The following LHFPL3 variants were observed in gnomAD, a reference collection of about 807,000 sequenced individuals.
The protein encoded by LHFPL3 is LHFPL tetraspan subfamily member 3 protein.
In LHFPL3, 5 loss-of-function variants were observed where a neutral mutation model predicts 19.3. The observed-to-expected ratio is 0.26, with a 90% CI of 0.14 to 0.54. LHFPL3 has a LOEUF of 0.54. LHFPL3 is among the 20% of genes least tolerant of loss of function. The pLI is 0.94. For missense variants in LHFPL3, 249 were observed against 307.4 expected (o/e 0.81, Z 1.42); for synonymous variants, 133 against 126.2 (o/e 1.05, Z -0.36).
chr7:104,602,630 A>G (rs1014794015), intron 1 of LHFPL3, among the ~76,000 whole-genome samples: 25 of 152,370 alleles, frequency 1.6e-4, no homozygotes, highest in African/African-American at 6.0e-4. Context: ...TAGCATCTTC[A>G]GCATTATGTC....
At chr7:104,332,775 C>T (rs1382808181) in intron 1 of LHFPL3, among the ~76,000 whole-genome samples, 1 of 151,998 alleles carries the variant, frequency 6.6e-6, no homozygotes, top group Non-Finnish European at 1.5e-5. Context: ...TAGCATGAAA[C>T]TAGGAAGCAC....
intron 2 of LHFPL3, among the ~76,000 whole-genome samples, chr7:104,755,522 T>G (rs1584517094): frequency 6.6e-6 from 1 of 152,184 alleles, no homozygotes. Context: ...TCTCTGTCTC[T>G]CTGTCTGTCT....
chr7:104,872,342 A>T (rs974070466), intron 2 of LHFPL3, among the ~76,000 whole-genome samples: 2 of 144,550 alleles, frequency 1.4e-5, no homozygotes, highest in Non-Finnish European at 3.0e-5. Flanking sequence ...GTCTCAAACA[A>T]AAAAAAAAAA....
intron 1 of LHFPL3, among the ~76,000 whole-genome samples, chr7:104,433,698 T>C (rs762330012): frequency 4.6e-5 from 7 of 152,206 alleles, no homozygotes; most frequent in Non-Finnish European, 2.9e-5. Flanking sequence ...ACGGTTCCTT[T>C]TGGACTCAGC....
intron 1 of LHFPL3, among the ~76,000 whole-genome samples, chr7:104,718,797 C>T (rs929188725): frequency 6.6e-6 from 1 of 152,050 alleles, no homozygotes; most frequent in African/African-American, 2.4e-5. Flanking sequence ...GACCCAGGCT[C>T]CCTGTTTTAC....
chr7:104,886,001 A>C (rs374203348), intron 2 of LHFPL3, among the ~76,000 whole-genome samples: 1 of 152,128 alleles, frequency 6.6e-6, no homozygotes, highest in East Asian at 1.9e-4. Context: ...TCCTTCAGGG[A>C]AAGTGTCCCT....
intron 1 of LHFPL3, among the ~76,000 whole-genome samples, chr7:104,585,480 A>AACACACAC (rs57028058): frequency 0.12 from 14,433 of 123,234 alleles, 1,126 homozygotes; most frequent in Middle Eastern, 0.14. Flanking sequence ...AACACACACA[A>AACACACAC]ACACACACAC....
chr7:104,596,828 T>A (rs1011618251), intron 1 of LHFPL3, among the ~76,000 whole-genome samples: 3 of 152,228 alleles, frequency 2.0e-5, no homozygotes, highest in Non-Finnish European at 4.4e-5. Context: ...TTGCAGCGAC[T>A]AATGAGTTCT....
At chr7:104,882,690 A>G (rs950258892) in intron 2 of LHFPL3, among the ~76,000 whole-genome samples, 1 of 152,194 alleles carries the variant, frequency 6.6e-6, no homozygotes, top group African/African-American at 2.4e-5. Flanking sequence ...GGTGATGAAA[A>G]TATTCTAAAA....
chr7:104,668,591 T>A (rs1584470788), intron 1 of LHFPL3: 14 of 1,612,636 alleles, frequency 8.7e-6, no homozygotes, highest in Non-Finnish European at 9.3e-6. Flanking sequence ...GCAGTGGGTA[T>A]CGCAGGGATG....
intron 1 of LHFPL3, among the ~76,000 whole-genome samples, chr7:104,523,889 C>T (rs1262193920): frequency 1.3e-5 from 2 of 152,146 alleles, no homozygotes; most frequent in Non-Finnish European, 2.9e-5. Context: ...TCATGGTGCT[C>T]ATCCAAGACT....
At chr7:104,770,494 A>G (rs1454465102) in intron 2 of LHFPL3, among the ~76,000 whole-genome samples, 1 of 152,232 alleles carries the variant, frequency 6.6e-6, no homozygotes, top group Non-Finnish European at 1.5e-5. Context: ...AGAATATCCA[A>G]ATAATTTTTC....
At chr7:104,599,822 T>C (rs1447360934) in intron 1 of LHFPL3, among the ~76,000 whole-genome samples, 1 of 152,192 alleles carries the variant, frequency 6.6e-6, no homozygotes, top group Non-Finnish European at 1.5e-5. Context: ...TCAACCAAAG[T>C]GCCTCTGCTA....
intron 1 of LHFPL3, among the ~76,000 whole-genome samples, chr7:104,396,281 C>T (rs747497712): frequency 2.0e-5 from 3 of 152,066 alleles, no homozygotes; most frequent in Non-Finnish European, 4.4e-5. Flanking sequence ...GCTAAAGACT[C>T]GCTGCTACAG....
intron 1 of LHFPL3, among the ~76,000 whole-genome samples, chr7:104,469,448 T>A (rs894204608): frequency 6.6e-6 from 1 of 152,220 alleles, no homozygotes; most frequent in Non-Finnish European, 1.5e-5. Flanking sequence ...TGTTTGTGTC[T>A]GTTTTCTCTC....
At chr7:104,503,310 A>G (rs1793636835) in intron 1 of LHFPL3, among the ~76,000 whole-genome samples, 1 of 152,052 alleles carries the variant, frequency 6.6e-6, no homozygotes, top group African/African-American at 2.4e-5. Flanking sequence ...ACATATATGA[A>G]TGTGTGTGTG....
At chr7:104,830,514 G>T (rs1051042349) in intron 2 of LHFPL3, among the ~76,000 whole-genome samples, 4 of 151,778 alleles carry the variant, frequency 2.6e-5, no homozygotes, top group Non-Finnish European at 5.9e-5. Flanking sequence ...TTTGTATAAG[G>T]TGTAAGGAAG....
Position 104,809,836 on chromosome 7 carries a change from C to G in LHFPL3, c.682+72925C>G, listed in dbSNP as rs190594912. 9.8e-5 allele frequency among the ~76,000 whole-genome samples: 15 copies of G among 152,304 alleles called. No homozygotes were observed. In the East Asian group the frequency reaches 2.5e-3, roughly 26 times the overall value. On this transcript the variant is annotated intron_variant, in intron 2 of 2. Transcript: ENST00000424859. Reference sequence around the variant, plus strand: ...ATCGTTTTTGAGCACCAAGGATATGCTATGCACAGAGCCAGGTGCTGGGGT... The same window carrying G: ...ATCGTTTTTGAGCACCAAGGATATGGTATGCACAGAGCCAGGTGCTGGGGT...
intron 1 of LHFPL3, among the ~76,000 whole-genome samples, chr7:104,666,954 C>T (rs1310935982): frequency 6.6e-6 from 1 of 152,090 alleles, no homozygotes; most frequent in Admixed American, 6.6e-5. Context: ...ATGATAAACA[C>T]GGAGGTGCAG....
Sources: gnomAD v4.1 joint callset for allele counts (sites outside exome capture counted in the v4.1 genomes callset) on GRCh38, gnomAD v4.1.1 for gene constraint, MANE v1.5 for transcripts, NCBI Gene and HGNC (gene_info 2026-07-23, HGNC 2026-07-21) for gene names.